AKNA: variants seen among roughly 807,000 people sequenced by gnomAD.
AKNA encodes the protein microtubule organization protein AKNA.
In AKNA, 67 loss-of-function variants were observed where a neutral mutation model predicts 138.8. The observed-to-expected ratio is 0.48, with a 90% CI of 0.40 to 0.59. The LOEUF is 0.59. Among genes scored for constraint, AKNA ranks in the 20% least tolerant of loss-of-function variants. The probability of loss-of-function intolerance (pLI) is 0.00; values close to 1 mark genes in which losing one functional copy is unlikely to be tolerated. For synonymous variants in AKNA, 737 were observed against 754.4 expected, an observed-to-expected ratio of 0.98 and a Z score of 0.38; for missense variants, 1,813 against 1,880.4, an observed-to-expected ratio of 0.96 and a Z score of 0.66.
Position 114,350,998 on chromosome 9 carries a change from C to T in AKNA, c.3082G>A (p.Gly1028Arg), listed in dbSNP as rs1369832370. Residue 1028 changes from glycine to arginine, a missense_variant, in exon 15 of 22, where the codon GGG (glycine) becomes AGG (arginine). Gly to Arg is a moderately radical substitution (Grantham distance 125). Coordinates refer to ENST00000374088, the MANE Select transcript of AKNA (RefSeq NM_001317950.2). ...EMAVPGSEFE[G>R]HKRISEQPLP... The stretch of plus-strand genomic sequence containing the variant: ...GGCTGTTCAGAAATCCGTTTGTGCC[C>T]CTCAAACTCTGAGCCAGGAACCGCT... 1.2e-6 allele frequency: 2 copies of T among 1,613,680 alleles called. No homozygotes were observed. Among genetic ancestry groups the T allele is most frequent in the Non-Finnish European group, 1.7e-6 (2 of 1,179,962 alleles).
At position 114,337,326 on chromosome 9, in the gene AKNA, G is replaced by T; in HGVS notation, c.4068-20C>A. 4 of 1,422,106 alleles carry T rather than the reference G, an allele frequency of 2.8e-6. No homozygotes were observed. The highest frequency in any genetic ancestry group is 3.7e-6 in the Non-Finnish European group (4 of 1,074,638). The allele number at this position is 1,422,106 out of a possible 1,614,324, so 88.1% of individuals were successfully genotyped here. A position where few individuals can be genotyped will look rare whatever the true frequency, so the allele number is the denominator to read the frequency against. ...TAGTACCTGAGGAGAGAAGTGAGTG[G>T]GCTCGTTACACATGGGGAGGGCTGG... On this transcript the variant is annotated intron_variant, in intron 21 of 21. Transcript: ENST00000374088.
At chr9:114,343,430 T>G (rs569241364) in intron 19 of AKNA, among the ~76,000 whole-genome samples, 2 of 152,070 alleles carry the variant, frequency 1.3e-5, no homozygotes, top group Non-Finnish European at 2.9e-5. Context: ...GAGGGGAGAA[T>G]AAGACATAAT....
chr9:114,373,971 C>T (rs898221505), intron 4 of AKNA, 122 bp downstream of exon 4: 22 of 999,204 alleles, frequency 2.2e-5, no homozygotes, highest in Non-Finnish European at 2.6e-5. Context: ...AGAAAACTGG[C>T]GTTCCACTAT....
chr9:114,352,243 GGGAT>G (rs1831174794), intron 14 of AKNA, among the ~76,000 whole-genome samples: 1 of 152,162 alleles, frequency 6.6e-6, no homozygotes, highest in Non-Finnish European at 1.5e-5. Flanking sequence ...AAAGGCACAT[GGGAT>G]CTCTGTGTAT....
Position 114,377,155 on chromosome 9 carries a change from T to C in AKNA, c.652A>G (p.Thr218Ala), listed in dbSNP as rs756498312. The change falls in exon 3 of 22, where the codon ACC becomes GCC. Residue 218 changes from threonine to alanine, a missense_variant. By Grantham distance (58) the Thr-to-Ala change is moderately conservative (BLOSUM62 0). Transcript: ENST00000374088. Reference protein sequence around the residue: ...LDHPSDSLDSTWEGETDGPQP... With the variant: ...LDHPSDSLDSAWEGETDGPQP... Reference sequence around the variant, plus strand: ...GGGCCATCGGTCTCTCCTTCCCAGGTAGAATCAAGGCTGTCACTAGGGTGG... The same window carrying C: ...GGGCCATCGGTCTCTCCTTCCCAGGCAGAATCAAGGCTGTCACTAGGGTGG... The C allele has an allele frequency of 2.7e-5, 44 of 1,614,028 alleles. No homozygotes were observed. Among genetic ancestry groups the C allele is most frequent in the Non-Finnish European group, 3.5e-5 (41 of 1,180,014 alleles).
chr9:114,361,875 G>A lies in AKNA; in HGVS notation c.1953C>T (p.Cys651=), dbSNP rs749709673. 2.5e-6 allele frequency: 4 copies of A among 1,607,134 alleles called. No individual in the cohort carries two copies. The highest frequency in any genetic ancestry group is 1.1e-5 in the South Asian group (1 of 91,086). Reference sequence around the variant, plus strand: ...CTATGTGTTCCTTCAGCTCTTCCAGGCAGCTTCCCAGACGGTATATCTCTG... The same window carrying A: ...CTATGTGTTCCTTCAGCTCTTCCAGACAGCTTCCCAGACGGTATATCTCTG... ...LEAEIYRLGS[C]LEELKEHIDQ... Residue 651 remains cysteine (C), a synonymous_variant, in exon 9 of 22, where the codon TGC becomes TGT. Coordinates refer to ENST00000374088, the MANE Select transcript of AKNA (RefSeq NM_001317950.2).
chr9:114,375,114 G>C (rs1169638253), intron 3 of AKNA, among the ~76,000 whole-genome samples: 2 of 152,278 alleles, frequency 1.3e-5, no homozygotes, highest in South Asian at 4.1e-4. Context: ...CACGCCCGTG[G>C]AGCTCATGGT....
Position 114,334,640 on chromosome 9 carries a change from G to A in AKNA, c.*2414C>T, listed in dbSNP as rs10982167. On this transcript the variant is annotated 3_prime_UTR_variant, in exon 22 of 22. Transcript: ENST00000374088. ...AAAGGGCCGGCCTCACCCCAACCTGGGTGCTCGTGATTGACAGCCTCTTGT... is the reference window on the plus strand; with the variant it reads ...AAAGGGCCGGCCTCACCCCAACCTGAGTGCTCGTGATTGACAGCCTCTTGT... The A allele has an allele frequency of 0.17, 25,182 of 146,944 alleles. 3,464 individuals carry two copies. The highest frequency in any genetic ancestry group is 0.27 in the South Asian group (1,292 of 4,822). 9.1% of individuals were successfully genotyped at this position (146,944 alleles called of 1,614,324 possible).
intron 1 of AKNA, among the ~76,000 whole-genome samples, chr9:114,393,148 C>T (rs911031195): frequency 1.3e-4 from 19 of 151,960 alleles, no homozygotes; most frequent in South Asian, 2.1e-4. Flanking sequence ...AATTATGATG[C>T]CCATTTTATT....
At position 114,387,844 on chromosome 9, in the gene AKNA, C is replaced by T. The variant is rs866977982; in HGVS notation, c.-114+16G>A. On this transcript the variant is annotated intron_variant, in intron 1 of 21. Transcript: ENST00000374088. ...GAAAGCGGCCTCCCGGGCCCTCCTC[C>T]GTTCCAATCCCTTACCTCTCTCGGG... is the stretch of plus-strand genomic sequence containing the variant. 6.5e-5 allele frequency: 29 copies of T among 447,208 alleles called. No homozygotes were observed. Among genetic ancestry groups the T allele is most frequent in the African/African-American group, 4.6e-4 (23 of 49,938 alleles). The allele number at this position is 447,208 out of a possible 1,614,324, so 27.7% of individuals were successfully genotyped here.
chr9:114,369,287 G>A (rs559464874), intron 4 of AKNA, among the ~76,000 whole-genome samples: 2 of 152,354 alleles, frequency 1.3e-5, no homozygotes, highest in Middle Eastern at 3.4e-3. Context: ...TTAAAGCAGA[G>A]TTGAGAGAAC....
At chr9:114,366,763 G>A (rs1035399170) in intron 6 of AKNA, among the ~76,000 whole-genome samples, 2 of 151,514 alleles carry the variant, frequency 1.3e-5, no homozygotes, top group African/African-American at 4.9e-5. Flanking sequence ...GGGAAGGGAA[G>A]GGAAGAATAA....
At chr9:114,367,325 G>A (rs938897608) in intron 6 of AKNA, among the ~76,000 whole-genome samples, 1 of 152,092 alleles carries the variant, frequency 6.6e-6, no homozygotes, top group Non-Finnish European at 1.5e-5. Flanking sequence ...CCAAAAAGGG[G>A]GGTGAGACCT....
At position 114,347,606 on chromosome 9, in the gene AKNA, A is replaced by G. The variant is rs1830776126; in HGVS notation, c.3398+118T>C. On this transcript the variant is annotated intron_variant, in intron 16 of 21. Transcript: ENST00000374088. Reference sequence around the variant, plus strand: ...AAGCTCAACAGTGAATGAATGAATGAGTGAGAGAGGGATGTGGCAGTGCCT... The same window carrying G: ...AAGCTCAACAGTGAATGAATGAATGGGTGAGAGAGGGATGTGGCAGTGCCT... The G allele has an allele frequency of 4.8e-6, 5 of 1,031,960 alleles. No individual in the cohort carries two copies. The South Asian group carries it at 9.6e-5, about 20-fold the overall frequency. 63.9% of individuals were successfully genotyped at this position (1,031,960 alleles called of 1,614,324 possible).
intron 21 of AKNA, 27 bp from the exon 22 acceptor site, chr9:114,337,333 T>C: frequency 2.1e-6 from 3 of 1,417,700 alleles, no homozygotes; most frequent in East Asian, 2.6e-5. Context: ...GTGGGCTCGT[T>C]ACACATGGGG....
intron 1 of AKNA, among the ~76,000 whole-genome samples, chr9:114,383,621 C>T (rs1833837183): frequency 6.6e-6 from 1 of 152,172 alleles, no homozygotes; most frequent in Admixed American, 6.5e-5. Flanking sequence ...GGGCTTTCTC[C>T]CCTGCATGCT....
rs1430677877 is a variant in AKNA, at chr9:114,337,202, T to G, written c.4172A>C (p.Asp1391Ala). The G allele has an allele frequency of 6.3e-7, 1 of 1,593,476 alleles. No individual in the cohort carries two copies. The highest frequency in any genetic ancestry group is 1.1e-5 in the South Asian group (1 of 89,786). Residue 1391 changes from aspartate (D) to alanine (A), a missense_variant, in exon 22 of 22, where the codon GAC (aspartate) becomes GCC (alanine). Transcript: ENST00000374088. ...GTTGAGCTCCTCTAGGTCGCCCAGG[T>G]CGAGCTGGATGGAGTGCCGGTGTCT... ...ARRHRHSIQL[D>A]LGDLEELNKA... is the part of the protein sequence containing the mutation.
At chr9:114,367,325 G>T (rs938897608) in intron 6 of AKNA, among the ~76,000 whole-genome samples, 7 of 152,092 alleles carry the variant, frequency 4.6e-5, no homozygotes, top group African/African-American at 1.7e-4. Flanking sequence ...CCAAAAAGGG[G>T]GGTGAGACCT....
Position 114,350,873 on chromosome 9 carries a change from G to A in AKNA, c.3207C>T (p.Thr1069=), listed in dbSNP as rs1336751256. ...PTETIPSFLL[T]RAGRDQAICE... Reference sequence around the variant, plus strand: ...GTCTAACTTACTCTCGCCCTGCCCTGGTGAGCAGGAAGCTGGGGATGGTCT... The same window carrying A: ...GTCTAACTTACTCTCGCCCTGCCCTAGTGAGCAGGAAGCTGGGGATGGTCT... The change falls in exon 15 of 22, where the codon ACC becomes ACT. Residue 1069 remains threonine, a synonymous_variant. Coordinates refer to ENST00000374088, the MANE Select transcript of AKNA (RefSeq NM_001317950.2). 2 of 1,578,980 alleles carry A rather than the reference G, an allele frequency of 1.3e-6. No homozygotes were observed. Among genetic ancestry groups the A allele is most frequent in the Non-Finnish European group, 1.7e-6 (2 of 1,162,504 alleles).
Sources: gnomAD v4.1 joint callset for allele counts (sites outside exome capture counted in the v4.1 genomes callset) on GRCh38, gnomAD v4.1.1 for gene constraint, MANE v1.5 for transcripts, NCBI Gene and HGNC (gene_info 2026-07-23, HGNC 2026-07-21) for gene names.